EPHA4: variants seen among roughly 807,000 people sequenced by gnomAD.
EPHA4 encodes EPH receptor A4.
In EPHA4, 19 loss-of-function variants were observed where a neutral mutation model predicts 108.3. That is an observed-to-expected ratio of 0.18 (90% CI 0.12 to 0.26). The LOEUF is 0.26. EPHA4 is among the 10% of genes least tolerant of loss of function. The pLI, the probability that EPHA4 is intolerant of heterozygous loss-of-function variation, is 1.00. For synonymous variants in EPHA4, 449 were observed against 455.5 expected (o/e 0.99, Z 0.18); for missense variants, 917 against 1,254.0 (o/e 0.73, Z 4.06).
At chr2:221,465,772 C>A (rs541524318) in intron 5 of EPHA4, among the ~76,000 whole-genome samples, 2 of 152,296 alleles carry the variant, frequency 1.3e-5, no homozygotes, top group South Asian at 2.1e-4. Context: ...CCCATCACCA[C>A]CAACTGGATG....
intron 8 of EPHA4, among the ~76,000 whole-genome samples, chr2:221,450,505 T>C (rs1456033995): frequency 6.6e-6 from 1 of 152,214 alleles, no homozygotes; most frequent in African/African-American, 2.4e-5. Flanking sequence ...GTAGGTCAAC[T>C]TTGTCAGTTA....
At chr2:221,465,918 T>A (rs760574822) in intron 5 of EPHA4, among the ~76,000 whole-genome samples, 2 of 152,216 alleles carry the variant, frequency 1.3e-5, no homozygotes, top group African/African-American at 2.4e-5. Flanking sequence ...CTAACTCAGA[T>A]AAACTGTAGA....
chr2:221,542,208 T>C (rs971323081), intron 3 of EPHA4, among the ~76,000 whole-genome samples: 2 of 152,186 alleles, frequency 1.3e-5, no homozygotes, highest in East Asian at 1.9e-4. Context: ...GTGCAAACAA[T>C]TGGAAAAATA....
At chr2:221,541,822 A>G (rs890102907) in intron 3 of EPHA4, among the ~76,000 whole-genome samples, 1 of 152,194 alleles carries the variant, frequency 6.6e-6, no homozygotes, top group Non-Finnish European at 1.5e-5. Flanking sequence ...AAGTACAGCA[A>G]TGAGACAGGG....
intron 3 of EPHA4, among the ~76,000 whole-genome samples, chr2:221,541,852 C>T (rs774617383): frequency 6.6e-6 from 1 of 152,122 alleles, no homozygotes; most frequent in Non-Finnish European, 1.5e-5. Flanking sequence ...CCAGACGTTA[C>T]CAAATGTGAT....
rs2276628 is a variant in EPHA4, at chr2:221,501,184, A to G, written c.824-12T>C. 113 of 1,558,080 alleles carry G rather than the reference A, an allele frequency of 7.3e-5. No homozygotes were observed. In the East Asian group the frequency reaches 2.1e-3, roughly 29 times the overall value. On this transcript the variant is annotated splice_polypyrimidine_tract_variant and intron_variant, in intron 3 of 17. Transcript: ENST00000281821. Reference sequence around the variant, plus strand: ...TCCAATTTTGCAAGCTGCAGGGAAGAAGAAAAAAACAAACAAATAGAAACC... The same window carrying G: ...TCCAATTTTGCAAGCTGCAGGGAAGGAGAAAAAAACAAACAAATAGAAACC...
At chr2:221,566,948 A>G (rs1559297357) in intron 2 of EPHA4, among the ~76,000 whole-genome samples, 814 of 62,916 alleles carry the variant, frequency 0.013, 233 homozygotes, top group African/African-American at 0.022. Context: ...GAGAAGGAGA[A>G]GGAGAAGGGG....
At chr2:221,434,081 G>C in intron 14 of EPHA4, 61 bp downstream of exon 14, 1 of 1,553,164 alleles carries the variant, frequency 6.4e-7, no homozygotes, top group Admixed American at 1.8e-5. Context: ...CCATCATACA[G>C]TAATGCAGAA....
intron 17 of EPHA4, among the ~76,000 whole-genome samples, chr2:221,424,800 G>A (rs779700954): frequency 3.3e-5 from 5 of 152,152 alleles, no homozygotes; most frequent in Non-Finnish European, 5.9e-5. Flanking sequence ...TCCAAAGGAC[G>A]GGACCCATGA....
At chr2:221,494,620 CA>C (rs947097850) in intron 4 of EPHA4, among the ~76,000 whole-genome samples, 4 of 151,776 alleles carry the variant, frequency 2.6e-5, no homozygotes, top group African/African-American at 9.7e-5. Context: ...AAAGGGAAAA[CA>C]AAAAAAGAAA....
At chr2:221,433,495 CT>C (rs1386357613) in intron 14 of EPHA4, among the ~76,000 whole-genome samples, 1 of 151,978 alleles carries the variant, frequency 6.6e-6, no homozygotes, top group African/African-American at 2.4e-5. Flanking sequence ...TCAATGCTTT[CT>C]TTTATTTTTT....
chr2:221,464,825 C>A (rs1473242418), intron 5 of EPHA4, among the ~76,000 whole-genome samples: 1 of 152,018 alleles, frequency 6.6e-6, no homozygotes, highest in African/African-American at 2.4e-5. Context: ...TTCTCATAGT[C>A]AAAAAGTGAA....
chr2:221,462,796 T>G (rs1691189422), intron 5 of EPHA4, among the ~76,000 whole-genome samples: 2 of 152,234 alleles, frequency 1.3e-5, no homozygotes, highest in Non-Finnish European at 2.9e-5. Flanking sequence ...CATTCAAATG[T>G]AAGTTAACAT....
At position 221,418,660 on chromosome 2, in the gene EPHA4, T is replaced by G. The variant is rs975965653; in HGVS notation, c.*2712A>C. The G allele has an allele frequency of 2.6e-5, 4 of 152,450 alleles. No homozygotes were observed. The highest frequency in any genetic ancestry group is 9.6e-5 in the African/African-American group (4 of 41,452). The allele number at this position is 152,450 out of a possible 1,614,324, so 9.4% of individuals were successfully genotyped here. A position where few individuals can be genotyped will look rare whatever the true frequency, so the allele number is the denominator to read the frequency against. On this transcript the variant is annotated 3_prime_UTR_variant, in exon 18 of 18. Transcript: ENST00000281821. ...ACTCGTAAGATTGCTAAAAAATAACTTGGGGCCTGCATACACAAGGTGAAG... is the reference window on the plus strand; with the variant it reads ...ACTCGTAAGATTGCTAAAAAATAACGTGGGGCCTGCATACACAAGGTGAAG...
At chr2:221,528,623 G>A (rs541266264) in intron 3 of EPHA4, among the ~76,000 whole-genome samples, 2 of 152,242 alleles carry the variant, frequency 1.3e-5, no homozygotes, top group East Asian at 1.9e-4. Context: ...CAACTGGTAA[G>A]GTAGGAGTTC....
chr2:221,568,334 T>C (rs1694729330), intron 2 of EPHA4, among the ~76,000 whole-genome samples: 1 of 152,202 alleles, frequency 6.6e-6, no homozygotes, highest in Non-Finnish European at 1.5e-5. Flanking sequence ...TTCTTTTTTT[T>C]TCATCTGGAA....
At chr2:221,434,425 G>A (rs1690169538) in intron 13 of EPHA4, 134 bp from the exon 14 acceptor site, 1 of 912,220 alleles carries the variant, frequency 1.1e-6, no homozygotes, top group South Asian at 1.8e-5. Context: ...TAAGACACTT[G>A]TTCATTTTAA....
chr2:221,466,257 G>A (rs1231396993), intron 5 of EPHA4, among the ~76,000 whole-genome samples: 1 of 152,232 alleles, frequency 6.6e-6, no homozygotes, highest in Non-Finnish European at 1.5e-5. Context: ...AAATGGTTTG[G>A]TTGAGTTTTC....
chr2:221,511,175 T>C (rs1005647458), intron 3 of EPHA4, among the ~76,000 whole-genome samples: 1 of 152,206 alleles, frequency 6.6e-6, no homozygotes, highest in Non-Finnish European at 1.5e-5. Context: ...AAAAATACTC[T>C]TAGAAACTTT....
Sources: allele counts gnomAD v4.1 joint callset (sites outside exome capture counted in the v4.1 genomes callset), GRCh38; gene constraint gnomAD v4.1.1; transcripts MANE v1.5; gene names NCBI Gene and HGNC (gene_info 2026-07-23, HGNC 2026-07-21).